The following PCDHGA3 variants were observed in gnomAD, a reference collection of about 807,000 sequenced individuals.
The protein encoded by PCDHGA3 is protocadherin gamma-A3.
A neutral mutation model predicts 58.5 loss-of-function variants in PCDHGA3; 40 were observed. The ratio of observed to expected loss-of-function variants is 0.68; its 90% CI spans 0.53 to 0.89. PCDHGA3 has a LOEUF of 0.89. Among genes scored for constraint, PCDHGA3 ranks in the 40% least tolerant of loss-of-function variants. The pLI is 0.00. For missense variants in PCDHGA3, 1,223 were observed against 1,195.9 expected, an observed-to-expected ratio of 1.02 and a Z score of -0.33; for synonymous variants, 530 against 525.7, an observed-to-expected ratio of 1.01 and a Z score of -0.11.
chr5:141,388,314 G>A (rs752079289), intron 1 of PCDHGA3: 4 of 1,613,824 alleles, frequency 2.5e-6, no homozygotes, highest in South Asian at 1.1e-5. Context: ...GCAAATAAGT[G>A]AGTCTGCACA....
At chr5:141,362,551 T>C (rs767580299) in intron 1 of PCDHGA3, 4 of 1,612,614 alleles carry the variant, frequency 2.5e-6, no homozygotes, top group Non-Finnish European at 3.4e-6. Flanking sequence ...AGATACTATT[T>C]TGAAGGTGAG....
At chr5:141,375,521 G>A in intron 1 of PCDHGA3, 1 of 1,613,994 alleles carries the variant, frequency 6.2e-7, no homozygotes, top group Non-Finnish European at 8.5e-7. Context: ...ACTGGACCCT[G>A]ACGTGGACCA....
At chr5:141,373,455 A>T (rs1561559553) in intron 1 of PCDHGA3, among the ~76,000 whole-genome samples, 1 of 152,204 alleles carries the variant, frequency 6.6e-6, no homozygotes, top group Non-Finnish European at 1.5e-5. Flanking sequence ...CCCAGGAGGT[A>T]GCAGCTGCAA....
intron 1 of PCDHGA3, chr5:141,357,234 C>T: frequency 6.2e-7 from 1 of 1,613,880 alleles, no homozygotes; most frequent in Non-Finnish European, 8.5e-7. Flanking sequence ...TGGGCAGCCT[C>T]AAGCCTTCAG....
chr5:141,419,996 C>G, intron 1 of PCDHGA3: 1 of 1,614,084 alleles, frequency 6.2e-7, no homozygotes, highest in Non-Finnish European at 8.5e-7. Context: ...AGCTATTGCT[C>G]TACGCCTGCG....
At chr5:141,403,945 A>C in intron 1 of PCDHGA3, 3 of 1,613,926 alleles carry the variant, frequency 1.9e-6, no homozygotes, top group Non-Finnish European at 2.5e-6. Flanking sequence ...AAGGGTGGAC[A>C]AAAGTGCTCA....
chr5:141,356,134 T>C (rs767798294), intron 1 of PCDHGA3: 9 of 1,613,788 alleles, frequency 5.6e-6, no homozygotes, highest in Non-Finnish European at 7.6e-6. Context: ...TTATGAGGAC[T>C]CTGGATTCTA....
intron 1 of PCDHGA3, chr5:141,395,561 T>C (rs1589266253): frequency 8.5e-6 from 2 of 235,114 alleles, no homozygotes; most frequent in East Asian, 1.7e-4. Context: ...TGTGTGTGTG[T>C]GTGTGTGTGT....
At chr5:141,384,254 T>A in intron 1 of PCDHGA3, 3 of 1,613,674 alleles carry the variant, frequency 1.9e-6, no homozygotes, top group Non-Finnish European at 2.5e-6. Context: ...CCACCCACCT[T>A]CCCCCACTCA....
At position 141,389,550 on chromosome 5, in the gene PCDHGA3, A is replaced by T. The variant is rs767434946; in HGVS notation, c.2424+43093A>T. The T allele has an allele frequency of 3.7e-6, 6 of 1,613,098 alleles. No individual in the cohort carries two copies. The African/African-American group carries it at 4.0e-5, about 11-fold the overall frequency. On this transcript the variant is annotated intron_variant, in intron 1 of 3. Transcript: ENST00000253812. ...CGTGTTAGTGGACGACCGCAACGAC[A>T]ATGCGCCACGGGTGCTGTACCCCGC...
chr5:141,403,169 C>T, intron 1 of PCDHGA3: 13 of 1,614,016 alleles, frequency 8.1e-6, no homozygotes, highest in Non-Finnish European at 1.1e-5. Flanking sequence ...AGGTAGGACG[C>T]AGCTTTTCTC....
At chr5:141,467,167 C>T (rs2099138606) in intron 1 of PCDHGA3, among the ~76,000 whole-genome samples, 1 of 151,832 alleles carries the variant, frequency 6.6e-6, no homozygotes, top group Non-Finnish European at 1.5e-5. Context: ...ATTCTCATCT[C>T]TCAGCCTCCC....
At chr5:141,352,835 A>G (rs1759122249) in intron 1 of PCDHGA3, 2 of 733,514 alleles carry the variant, frequency 2.7e-6, no homozygotes, top group East Asian at 2.7e-5. Context: ...TAAAATTACA[A>G]AAATTAGTTG....
Position 141,344,934 on chromosome 5 carries a change from G to C in PCDHGA3, c.901G>C (p.Val301Leu). Residue 301 changes from valine to leucine, a missense_variant, in exon 1 of 4, where the codon GTA becomes CTA. By Grantham distance (32) the Val-to-Leu change is conservative. Coordinates refer to ENST00000253812, the MANE Select transcript of PCDHGA3 (RefSeq NM_018916.4). The stretch of plus-strand genomic sequence containing the variant: ...CCATCTTAACTCAGTGAGTGGAGAA[G>C]TATCAATATTAAAAAGTCTAGATTA... ...IFHLNSVSGE[V>L]SILKSLDYED... 1.9e-6 allele frequency: 3 copies of C among 1,613,922 alleles called. No homozygotes were observed. Among genetic ancestry groups the C allele is most frequent in the Non-Finnish European group, 2.5e-6 (3 of 1,179,846 alleles).
chr5:141,423,603 C>G, intron 1 of PCDHGA3: 1 of 1,612,584 alleles, frequency 6.2e-7, no homozygotes. Flanking sequence ...GCGAGCCACT[C>G]TTGATAGCTG....
intron 1 of PCDHGA3, chr5:141,395,109 A>C (rs1181706209): frequency 6.2e-7 from 1 of 1,614,210 alleles, no homozygotes; most frequent in Non-Finnish European, 8.5e-7. Flanking sequence ...CTCGCGGAAG[A>C]GTCACCTGAT....
chr5:141,379,834 G>GA (rs199662644), intron 1 of PCDHGA3, among the ~76,000 whole-genome samples: 3,037 of 141,342 alleles, frequency 0.021, 48 homozygotes, highest in South Asian at 0.041. Flanking sequence ...GAAGCATCAG[G>GA]AAAAAAAACT....
intron 3 of PCDHGA3, among the ~76,000 whole-genome samples, chr5:141,506,190 C>T (rs1313145580): frequency 6.6e-6 from 1 of 152,180 alleles, no homozygotes; most frequent in Non-Finnish European, 1.5e-5. Flanking sequence ...GTGGCTCACG[C>T]CTGTAATCCC....
chr5:141,399,665 A>T, intron 1 of PCDHGA3: 14 of 1,613,648 alleles, frequency 8.7e-6, no homozygotes, highest in Non-Finnish European at 1.2e-5. Flanking sequence ...GTGTTCGCGC[A>T]GCGCGCCTTT....
Sources: gnomAD v4.1 joint callset for allele counts (sites outside exome capture counted in the v4.1 genomes callset) on GRCh38, gnomAD v4.1.1 for gene constraint, MANE v1.5 for transcripts, NCBI Gene and HGNC (gene_info 2026-07-23, HGNC 2026-07-21) for gene names.